The following CSMD3 variants were observed in gnomAD, a reference collection of about 807,000 sequenced individuals.
The protein encoded by CSMD3 is CUB and sushi domain-containing protein 3.
Under a neutral mutation model 435.2 loss-of-function variants are expected in CSMD3, and 177 were observed. The observed-to-expected ratio is 0.41, with a 90% CI of 0.36 to 0.46. CSMD3 has a LOEUF of 0.46. Ranked by LOEUF, CSMD3 falls within the 20% of genes least tolerant of loss-of-function variation. The pLI, the probability that CSMD3 is intolerant of heterozygous loss-of-function variation, is 0.34. For missense variants in CSMD3, 4,265 were observed against 4,504.6 expected (o/e 0.95, Z 1.52); for synonymous variants, 1,656 against 1,520.5 (o/e 1.09, Z -2.07).
chr8:112,695,838 G>C (rs557515535), intron 13 of CSMD3, among the ~76,000 whole-genome samples: 1 of 152,150 alleles, frequency 6.6e-6, no homozygotes, highest in African/African-American at 2.4e-5. Flanking sequence ...AAACCCCATC[G>C]TCTCAGCCCA....
chr8:112,736,835 G>A (rs2077195443), intron 13 of CSMD3, among the ~76,000 whole-genome samples: 1 of 151,874 alleles, frequency 6.6e-6, no homozygotes. Context: ...TTTTCTTAGG[G>A]AACAATGGGA....
chr8:112,826,860 G>C lies in CSMD3; in HGVS notation c.1859+2826C>G, dbSNP rs1164126481. On this transcript the variant is annotated intron_variant, in intron 12 of 70. Coordinates refer to ENST00000297405, the MANE Select transcript of CSMD3 (RefSeq NM_198123.2). ...TTTGATGGTGTAGGAACAACCATTT[G>C]GGTACTTGGTATTCTTTTGAAAAAT... Among the ~76,000 whole-genome samples, 3 of 151,970 alleles carry C rather than the reference G, an allele frequency of 2.0e-5. No individual in the cohort carries two copies. In the East Asian group the frequency reaches 5.8e-4, roughly 30 times the overall value.
chr8:112,674,405 C>G (rs1563838224), intron 16 of CSMD3, among the ~76,000 whole-genome samples: 1 of 151,980 alleles, frequency 6.6e-6, no homozygotes, highest in Non-Finnish European at 1.5e-5. Context: ...GTTGATTCTC[C>G]CATGAGAACA....
At chr8:113,121,146 G>C (rs2090973697) in intron 4 of CSMD3, among the ~76,000 whole-genome samples, 1 of 152,128 alleles carries the variant, frequency 6.6e-6, no homozygotes, top group South Asian at 2.1e-4. Context: ...TTTTATTAGA[G>C]CCCTGGAGAT....
At chr8:113,032,470 G>A (rs2087155837) in intron 5 of CSMD3, among the ~76,000 whole-genome samples, 1 of 151,572 alleles carries the variant, frequency 6.6e-6, no homozygotes, top group Admixed American at 6.6e-5. Flanking sequence ...ATGGAACTTT[G>A]AGCTTGAGAG....
intron 35 of CSMD3, among the ~76,000 whole-genome samples, chr8:112,398,683 C>T (rs1450242556): frequency 6.6e-6 from 1 of 152,122 alleles, no homozygotes; most frequent in Non-Finnish European, 1.5e-5. Context: ...AGGTTTAAGG[C>T]CCTTCCTTTG....
chr8:112,313,883 CTGAAGTTA>C lies in CSMD3; in HGVS notation c.7696+15_7696+22del. The C allele has an allele frequency of 1.3e-6, 2 of 1,583,078 alleles. No individual in the cohort carries two copies. The highest frequency in any genetic ancestry group is 1.7e-6 in the Non-Finnish European group (2 of 1,152,746). On this transcript the variant is annotated intron_variant, in intron 49 of 70. Transcript: ENST00000297405. ...ACCGAAGATGATAGTGAGATCTGTC[CTGAAGTTA>C]TAAGTTTTACATACCTATATATCTT... is the stretch of plus-strand genomic sequence containing the variant.
At chr8:112,472,550 G>A (rs1192467037) in intron 32 of CSMD3, 41 bp downstream of exon 32, 3 of 1,041,002 alleles carry the variant, frequency 2.9e-6, no homozygotes, top group Non-Finnish European at 4.6e-6. Flanking sequence ...AATAAAGCAT[G>A]TCTGGATGAA....
intron 23 of CSMD3, among the ~76,000 whole-genome samples, chr8:112,583,456 A>T (rs905750065): frequency 6.6e-6 from 1 of 151,966 alleles, no homozygotes; most frequent in African/African-American, 2.4e-5. Flanking sequence ...AGTTTTTTTT[A>T]ATGTGAACAT....
intron 4 of CSMD3, among the ~76,000 whole-genome samples, chr8:113,153,113 G>GAAAGAAAGAAAT (rs2091855298): frequency 1.2e-5 from 1 of 86,256 alleles, no homozygotes; most frequent in Admixed American, 1.3e-4. Flanking sequence ...AAGAAAGAAA[G>GAAAGAAAGAAAT]AAAGAAAGAA....
At chr8:113,272,313 C>A (rs987190945) in intron 3 of CSMD3, among the ~76,000 whole-genome samples, 3 of 152,092 alleles carry the variant, frequency 2.0e-5, no homozygotes, top group African/African-American at 7.2e-5. Flanking sequence ...TGTGTCTTCA[C>A]CCAAATCTCA....
At chr8:113,250,523 G>A (rs761343346) in intron 3 of CSMD3, among the ~76,000 whole-genome samples, 3 of 152,122 alleles carry the variant, frequency 2.0e-5, no homozygotes, top group Non-Finnish European at 2.9e-5. Context: ...AATATTGATT[G>A]TAGAAACAGA....
chr8:112,733,620 A>C (rs2077122044), intron 13 of CSMD3, among the ~76,000 whole-genome samples: 2 of 150,698 alleles, frequency 1.3e-5, no homozygotes, highest in South Asian at 4.2e-4. Flanking sequence ...TGATGTAATA[A>C]AAACCATAAG....
At chr8:113,017,653 T>C (rs888615667) in intron 6 of CSMD3, among the ~76,000 whole-genome samples, 1 of 151,898 alleles carries the variant, frequency 6.6e-6, no homozygotes, top group African/African-American at 2.4e-5. Context: ...GTTAGGTGGA[T>C]GAAAAACTCC....
chr8:112,896,218 C>G (rs2081946277), intron 10 of CSMD3, among the ~76,000 whole-genome samples: 2 of 151,444 alleles, frequency 1.3e-5, no homozygotes, highest in South Asian at 4.2e-4. Context: ...ATAGAAAGTC[C>G]ACATGTGGGT....
chr8:112,440,497 T>C (rs1814879905), intron 32 of CSMD3, among the ~76,000 whole-genome samples: 1 of 152,086 alleles, frequency 6.6e-6, no homozygotes. Context: ...GGTCGTCTTC[T>C]CACAGCTCCA....
In CSMD3 at chr8:113,173,809, A is replaced by G. The variant is rs1396610144; in HGVS notation, c.622T>C (p.Tyr208His). The G allele has an allele frequency of 5.0e-6, 8 of 1,613,732 alleles. No homozygotes were observed. The highest frequency in any genetic ancestry group is 6.8e-6 in the Non-Finnish European group (8 of 1,179,778). ...DKIRYSCVTG[Y>H]ILDGHPQLTC... ...AGCTGAGGGTGGCCATCAAGGATGT[A>G]TCCAGTTACACAGCTGTAGCGGATC... The change falls in exon 4 of 71, where the codon TAC becomes CAC. Residue 208 changes from tyrosine (Y) to histidine (H), a missense_variant. By Grantham distance (83) the Tyr-to-His change is moderately conservative (BLOSUM62 2). Around this residue, in one of 3 missense-constraint regions of CSMD3, gnomAD observed 731 missense variants for 755.4 expected, o/e 0.97. Transcript: ENST00000297405.
intron 1 of CSMD3, among the ~76,000 whole-genome samples, chr8:113,349,620 T>TA (rs1245728157): frequency 2.6e-5 from 4 of 151,986 alleles, no homozygotes; most frequent in Non-Finnish European, 5.9e-5. Flanking sequence ...CATCTCTTTT[T>TA]AAAAAAATAA....
In CSMD3 at chr8:112,975,927, G is replaced by C. The variant is rs750144562; in HGVS notation, c.1252C>G (p.His418Asp). 3.7e-6 allele frequency: 6 copies of C among 1,613,936 alleles called. No individual in the cohort carries two copies. Among genetic ancestry groups the C allele is most frequent in the African/African-American group, 1.3e-5 (1 of 74,914 alleles). Reference protein sequence around the residue: ...PNTSKDGLSPHPADTQSTRRR... With the variant: ...PNTSKDGLSPDPADTQSTRRR... Reference sequence around the variant, plus strand: ...CTGGTACTTTGTGTATCTGCTGGATGAGGAGAGAGCCCGTCCTTGGACGTG... The same window carrying C: ...CTGGTACTTTGTGTATCTGCTGGATCAGGAGAGAGCCCGTCCTTGGACGTG... The change falls in exon 7 of 71, where the codon CAT becomes GAT. Residue 418 changes from histidine (H) to aspartate (D), a missense_variant. His to Asp is a moderately conservative substitution (Grantham distance 81, BLOSUM62 -1). Transcript: ENST00000297405.
Sources: allele counts gnomAD v4.1 joint callset (sites outside exome capture counted in the v4.1 genomes callset), GRCh38; gene constraint gnomAD v4.1.1; regional missense constraint gnomAD v4.1.1; transcripts MANE v1.5; gene names NCBI Gene and HGNC (gene_info 2026-07-23, HGNC 2026-07-21).